Variants in RIC8B observed in about 807,000 individuals in gnomAD.
RIC8B encodes the protein RIC8 guanine nucleotide exchange factor B.
RIC8B carries 16 observed loss-of-function variants against 57.5 expected under a neutral mutation model. The ratio of observed to expected loss-of-function variants is 0.28; its 90% CI spans 0.19 to 0.42. The LOEUF is 0.42. Ranked by LOEUF, RIC8B falls within the 10% of genes least tolerant of loss-of-function variation. The pLI is 1.00. For synonymous variants in RIC8B, 216 were observed against 250.8 expected, an observed-to-expected ratio of 0.86 and a Z score of 1.31; for missense variants, 481 against 677.0, an observed-to-expected ratio of 0.71 and a Z score of 3.21.
chr12:106,815,846 T>A (rs1419593691), intron 3 of RIC8B, among the ~76,000 whole-genome samples: 1 of 152,206 alleles, frequency 6.6e-6, no homozygotes, highest in Non-Finnish European at 1.5e-5. Context: ...ACTAGATATC[T>A]GTGCTCATAT....
intron 6 of RIC8B, among the ~76,000 whole-genome samples, chr12:106,850,039 C>T (rs776993694): frequency 2.0e-5 from 3 of 152,314 alleles, no homozygotes; most frequent in Non-Finnish European, 4.4e-5. Context: ...ACTGCCTGAG[C>T]GCCGCCTACT....
chr12:106,863,073 T>A (rs144158057), intron 8 of RIC8B, among the ~76,000 whole-genome samples: 130 of 152,266 alleles, frequency 8.5e-4, no homozygotes, highest in Non-Finnish European at 1.7e-3. Flanking sequence ...CCTCTGAGAA[T>A]GGAGGTCCCT....
chr12:106,871,471 T>TAAAAAAAAAAAA (rs1387727022), intron 9 of RIC8B: 15 of 30,916 alleles, frequency 4.9e-4, no homozygotes, highest in South Asian at 1.7e-3. Context: ...TTAGGAGTTC[T>TAAAAAAAAAAAA]AAAAAAAAAA....
At chr12:106,821,598 C>G (rs902121401) in intron 3 of RIC8B, among the ~76,000 whole-genome samples, 11 of 152,150 alleles carry the variant, frequency 7.2e-5, no homozygotes, top group Middle Eastern at 6.8e-3. Flanking sequence ...ATTTCTAAAA[C>G]AGGGCAAAAT....
intron 7 of RIC8B, among the ~76,000 whole-genome samples, chr12:106,855,576 T>C (rs2136491108): frequency 6.6e-6 from 1 of 152,300 alleles, no homozygotes; most frequent in Middle Eastern, 3.4e-3. Context: ...TCTTATTACG[T>C]CTCTCATAAC....
chr12:106,872,733 G>A (rs1950496073), intron 9 of RIC8B, among the ~76,000 whole-genome samples: 2 of 150,360 alleles, frequency 1.3e-5, no homozygotes, highest in African/African-American at 4.9e-5. Flanking sequence ...GGAAAGGTTA[G>A]CAAGGACCTG....
At chr12:106,806,735 CAG>C (rs550786655) in intron 2 of RIC8B, among the ~76,000 whole-genome samples, 32 of 152,246 alleles carry the variant, frequency 2.1e-4, no homozygotes, top group Middle Eastern at 3.4e-3. Flanking sequence ...GAGGCTGAGA[CAG>C]GGGAATTGCT....
intron 1 of RIC8B, chr12:106,775,262 G>A (rs2043408001): frequency 2.2e-6 from 1 of 453,210 alleles, no homozygotes; most frequent in Non-Finnish European, 4.4e-6. Context: ...GTTTCTATAC[G>A]TTTAGCACTG....
At chr12:106,824,410 T>C (rs138163407) in intron 3 of RIC8B, among the ~76,000 whole-genome samples, 1 of 152,304 alleles carries the variant, frequency 6.6e-6, no homozygotes, top group East Asian at 1.9e-4. Context: ...TCCAGCTCTA[T>C]ACATGATGAT....
At chr12:106,784,435 G>A (rs1040828643) in intron 2 of RIC8B, among the ~76,000 whole-genome samples, 2 of 152,182 alleles carry the variant, frequency 1.3e-5, no homozygotes, top group Non-Finnish European at 2.9e-5. Flanking sequence ...GAGTGCAGTG[G>A]CTCACTGTAA....
At chr12:106,809,657 C>T (rs1007580475) in intron 2 of RIC8B, among the ~76,000 whole-genome samples, 3 of 151,724 alleles carry the variant, frequency 2.0e-5, no homozygotes, top group African/African-American at 7.3e-5. Flanking sequence ...CATCCCAAAT[C>T]CCCAAACCTG....
rs1021282344 is a variant in RIC8B, at chr12:106,884,945, G to T, written c.1572-959G>T. Among the ~76,000 whole-genome samples the T allele has an allele frequency of 2.0e-5, 3 of 152,070 alleles. No homozygotes were observed. In the East Asian group the frequency reaches 5.8e-4, roughly 29 times the overall value. On this transcript the variant is annotated intron_variant, in intron 9 of 9. Transcript: ENST00000392837. ...GGTTTTTGCTTATGGACATGTTTTTGGGGGGTGATGCCCATTTCTGTGATA... is the reference window on the plus strand; with the variant it reads ...GGTTTTTGCTTATGGACATGTTTTTTGGGGGTGATGCCCATTTCTGTGATA...
At chr12:106,819,428 A>G (rs1332617436) in intron 3 of RIC8B, among the ~76,000 whole-genome samples, 1 of 152,166 alleles carries the variant, frequency 6.6e-6, no homozygotes, top group Non-Finnish European at 1.5e-5. Context: ...AATAATACAT[A>G]CTTATAAGTA....
chr12:106,832,674 A>G (rs2046408070), intron 4 of RIC8B, among the ~76,000 whole-genome samples: 2 of 152,184 alleles, frequency 1.3e-5, no homozygotes, highest in Admixed American at 1.3e-4. Context: ...TGCTCAATAA[A>G]TATTAGTTGG....
chr12:106,780,640 G>A (rs990324768), intron 1 of RIC8B, among the ~76,000 whole-genome samples: 3 of 152,180 alleles, frequency 2.0e-5, no homozygotes, highest in African/African-American at 7.2e-5. Context: ...TTGTTCTTAT[G>A]TCCAGATTAT....
chr12:106,851,336 TGCTC>T, intron 6 of RIC8B, 110 bp from the exon 7 acceptor site: 3 of 391,804 alleles, frequency 7.7e-6, no homozygotes, highest in Non-Finnish European at 1.3e-5. Context: ...TTTTTTTTTT[TGCTC>T]CTACAATACA....
In RIC8B at chr12:106,843,880, C is replaced by T. The variant is rs779921028; in HGVS notation, c.1094C>T (p.Pro365Leu). The T allele has an allele frequency of 6.2e-7, 1 of 1,613,308 alleles. No individual in the cohort carries two copies. The highest frequency in any genetic ancestry group is 8.5e-7 in the Non-Finnish European group (1 of 1,179,766). ...KGSSYREGLT[P>L]VLSLLTECSR... ...AGCAGCTATAGAGAGGGTCTAACTCCAGTTCTCAGCTTATTAACCGAATGT... is the reference window on the plus strand; with the variant it reads ...AGCAGCTATAGAGAGGGTCTAACTCTAGTTCTCAGCTTATTAACCGAATGT... Residue 365 changes from proline (P) to leucine (L), a missense_variant, in exon 6 of 10, where the codon CCA becomes CTA. By Grantham distance (98) the Pro-to-Leu change is moderately conservative. Transcript: ENST00000392837.
chr12:106,779,232 CA>C (rs1239650263), intron 1 of RIC8B, among the ~76,000 whole-genome samples: 3 of 144,714 alleles, frequency 2.1e-5, no homozygotes, highest in Admixed American at 1.4e-4. Flanking sequence ...CTCCTATATA[CA>C]TTTTTTTTTT....
intron 8 of RIC8B, chr12:106,868,525 A>G (rs565645107): frequency 2.2e-5 from 7 of 313,324 alleles, no homozygotes; most frequent in South Asian, 1.4e-4. Flanking sequence ...ATGTCTTGTT[A>G]TATGCCTGAG....
Sources: allele counts gnomAD v4.1 joint callset (sites outside exome capture counted in the v4.1 genomes callset), GRCh38; gene constraint gnomAD v4.1.1; transcripts MANE v1.5; gene names NCBI Gene and HGNC (gene_info 2026-07-23, HGNC 2026-07-21).